Variants in ADAMTS20 observed in about 807,000 individuals in gnomAD.
The protein encoded by ADAMTS20 is A disintegrin and metalloproteinase with thrombospondin motifs 20.
ADAMTS20 carries 225 observed loss-of-function variants against 260.1 expected under a neutral mutation model. That is an observed-to-expected ratio of 0.87 (90% confidence interval 0.78 to 0.97). The LOEUF (loss-of-function observed/expected upper bound fraction) is 0.97, where lower values mean the gene tolerates loss of function less well. Ranked by LOEUF, ADAMTS20 falls within the 50% of genes least tolerant of loss-of-function variation. ADAMTS20 has a pLI of 0.00. For synonymous variants in ADAMTS20, 802 were observed against 769.5 expected (o/e 1.04, Z -0.70); for missense variants, 2,400 against 2,337.7 (o/e 1.03, Z -0.55).
intron 4 of ADAMTS20, among the ~76,000 whole-genome samples, chr12:43,501,307 G>A (rs1267489638): frequency 1.3e-5 from 2 of 151,686 alleles, no homozygotes; most frequent in Admixed American, 6.6e-5. Context: ...TGATCCTCCC[G>A]CCTCAGCCTC....
In ADAMTS20 at chr12:43,550,800, C is replaced by T. The variant is rs1282364298; in HGVS notation, c.453+109G>A. On this transcript the variant is annotated intron_variant, in intron 2 of 38. Coordinates refer to ENST00000389420, the MANE Select transcript of ADAMTS20 (RefSeq NM_025003.5). Reference sequence around the variant, plus strand: ...GTGTTAATCCTTCTTGTAGCCCAACCTGAACTCCAGGGTCATCAGCCACCA... The same window carrying T: ...GTGTTAATCCTTCTTGTAGCCCAACTTGAACTCCAGGGTCATCAGCCACCA... 6 of 1,414,424 alleles carry T rather than the reference C, an allele frequency of 4.2e-6. No individual in the cohort carries two copies. The East Asian group carries it at 1.5e-4, about 36-fold the overall frequency. The allele number at this position is 1,414,424 out of a possible 1,614,324, so 87.6% of individuals were successfully genotyped here. A position where few individuals can be genotyped will look rare whatever the true frequency, so the allele number is the denominator to read the frequency against.
At chr12:43,452,829 A>G in intron 12 of ADAMTS20, 134 bp from the exon 13 acceptor site, 1 of 785,990 alleles carries the variant, frequency 1.3e-6, no homozygotes, top group South Asian at 2.4e-5. Flanking sequence ...AGAAGTATGT[A>G]ACATGAGTTT....
chr12:43,482,799 T>C (rs537340289), intron 7 of ADAMTS20, among the ~76,000 whole-genome samples: 1 of 152,280 alleles, frequency 6.6e-6, no homozygotes, highest in African/African-American at 2.4e-5. Context: ...AAGCACAAAT[T>C]CCACTGCTAC....
Position 43,550,931 on chromosome 12 carries a change from A to G in ADAMTS20, c.431T>C (p.Val144Ala). The change falls in exon 2 of 39, where the codon GTC becomes GCC. Residue 144 changes from valine (V) to alanine (A), a missense_variant. Coordinates refer to ENST00000389420, the MANE Select transcript of ADAMTS20 (RefSeq NM_025003.5). ...QVNSQEDYKA[V>A]VSLCGGLTGT... is the part of the protein sequence containing the mutation. Reference sequence around the variant, plus strand: ...CACCAGGCCTCCGCATAAGCTGACGACGGCCTTGTAATCCTCCTGTGAGTT... The same window carrying G: ...CACCAGGCCTCCGCATAAGCTGACGGCGGCCTTGTAATCCTCCTGTGAGTT... 6.3e-7 allele frequency: 1 copy of G among 1,575,656 alleles called. No individual in the cohort carries two copies. Among genetic ancestry groups the G allele is most frequent in the Non-Finnish European group, 8.6e-7 (1 of 1,157,140 alleles).
chr12:43,533,327 G>A (rs1488092634), intron 2 of ADAMTS20, among the ~76,000 whole-genome samples: 1 of 151,728 alleles, frequency 6.6e-6, no homozygotes, highest in Non-Finnish European at 1.5e-5. Context: ...ATTTCTTCAT[G>A]TGTTTTTTAC....
At chr12:43,507,078 T>A (rs1942854716) in intron 3 of ADAMTS20, among the ~76,000 whole-genome samples, 1 of 152,126 alleles carries the variant, frequency 6.6e-6, no homozygotes, top group Admixed American at 6.6e-5. Context: ...TTAATGGAAA[T>A]TTGCTAAGAG....
chr12:43,448,925 A>C (rs1941811438), intron 14 of ADAMTS20, among the ~76,000 whole-genome samples: 1 of 152,182 alleles, frequency 6.6e-6, no homozygotes, highest in African/African-American at 2.4e-5. Flanking sequence ...GCAAATCAAA[A>C]CCAAAATAAG....
Position 43,428,722 on chromosome 12 carries a change from T to C in ADAMTS20, c.3567A>G (p.Glu1189=), listed in dbSNP as rs372006488. The change falls in exon 25 of 39, where the codon GAA becomes GAG. Residue 1189 remains glutamate, a synonymous_variant. Coordinates refer to ENST00000389420, the MANE Select transcript of ADAMTS20 (RefSeq NM_025003.5). ...CRDALDRIAD[E]SYCAHLPRPA... ...GTCGGGGTAAGTGGGCACAATATGA[T>C]TCATCTGCTATTCTATCAAGAGCAT... The C allele has an allele frequency of 9.3e-6, 15 of 1,612,778 alleles. No individual in the cohort carries two copies. Among genetic ancestry groups the C allele is most frequent in the Non-Finnish European group, 1.3e-5 (15 of 1,179,122 alleles).
At chr12:43,475,635 C>T (rs1411283935) in intron 7 of ADAMTS20, among the ~76,000 whole-genome samples, 16 of 151,852 alleles carry the variant, frequency 1.1e-4, no homozygotes, top group African/African-American at 3.6e-4. Flanking sequence ...GGTACTGGTA[C>T]CAAAACAGAG....
intron 18 of ADAMTS20, among the ~76,000 whole-genome samples, chr12:43,435,411 C>T (rs536503686): frequency 1.7e-4 from 26 of 152,026 alleles, no homozygotes; most frequent in Admixed American, 6.6e-4. Context: ...GAAGCTGAGG[C>T]GGGCGGATCA....
intron 2 of ADAMTS20, among the ~76,000 whole-genome samples, chr12:43,534,327 A>T (rs555451608): frequency 6.3e-4 from 96 of 152,238 alleles, no homozygotes; most frequent in African/African-American, 2.2e-3. Context: ...GGACATGAGC[A>T]GACACTTCTC....
At chr12:43,401,965 T>C (rs997532061) in intron 28 of ADAMTS20, among the ~76,000 whole-genome samples, 1 of 151,984 alleles carries the variant, frequency 6.6e-6, no homozygotes, top group African/African-American at 2.4e-5. Context: ...CATTATTTTC[T>C]TTACCTAGAC....
chr12:43,505,679 A>G (rs1331975550), intron 3 of ADAMTS20, among the ~76,000 whole-genome samples: 2 of 152,192 alleles, frequency 1.3e-5, no homozygotes, highest in Non-Finnish European at 2.9e-5. Flanking sequence ...GAAATTGGAA[A>G]CCTTATGCAC....
At chr12:43,445,677 TACACACAC>T (rs56762980) in intron 15 of ADAMTS20, among the ~76,000 whole-genome samples, 1 of 148,678 alleles carries the variant, frequency 6.7e-6, no homozygotes, top group African/African-American at 2.5e-5. Flanking sequence ...GACCCATCTC[TACACACAC>T]ACACACACAC....
At chr12:43,366,772 A>C (rs758141618) in intron 37 of ADAMTS20, among the ~76,000 whole-genome samples, 1 of 151,934 alleles carries the variant, frequency 6.6e-6, no homozygotes, top group Non-Finnish European at 1.5e-5. Context: ...AACATACCAA[A>C]TATTTTGGGA....
Position 43,428,652 on chromosome 12 carries a change from C to T in ADAMTS20, c.3637G>A (p.Ala1213Thr). Residue 1213 changes from alanine (A) to threonine (T), a missense_variant, in exon 25 of 39, where the codon GCA (alanine) becomes ACA (threonine). Ala to Thr is a moderately conservative substitution (Grantham distance 58, BLOSUM62 0). Transcript: ENST00000389420. The stretch of plus-strand genomic sequence containing the variant: ...ATACTTACGGGTGACCAATCCCCTG[C>T]TTGCCACTCTCCACAAGGGGTAAAA... ...DCFTPCGEWQAGDWSPCSASC... is the reference protein window; with the variant it reads ...DCFTPCGEWQTGDWSPCSASC... 6.3e-7 allele frequency: 1 copy of T among 1,593,808 alleles called. No homozygotes were observed. Among genetic ancestry groups the T allele is most frequent in the South Asian group, 1.2e-5 (1 of 86,756 alleles).
At chr12:43,370,317 T>C (rs185219352) in intron 36 of ADAMTS20, among the ~76,000 whole-genome samples, 31 of 152,310 alleles carry the variant, frequency 2.0e-4, no homozygotes, top group Admixed American at 1.8e-3. Flanking sequence ...CCAGGTACAA[T>C]GAGGTCATGT....
At position 43,506,693 on chromosome 12, in the gene ADAMTS20, T is replaced by C. The variant is rs551798104; in HGVS notation, c.614-4288A>G. On this transcript the variant is annotated intron_variant, in intron 3 of 38. Coordinates refer to ENST00000389420, the MANE Select transcript of ADAMTS20 (RefSeq NM_025003.5). Reference sequence around the variant, plus strand: ...TAGGATTTCACCATGTTGGTCAGGCTGGTCTCGATATCGTGACCTTGTGAT... The same window carrying C: ...TAGGATTTCACCATGTTGGTCAGGCCGGTCTCGATATCGTGACCTTGTGAT... Among the ~76,000 whole-genome samples, 3 of 152,064 alleles carry C rather than the reference T, an allele frequency of 2.0e-5. No homozygotes were observed. In the South Asian group the frequency reaches 6.2e-4, roughly 32 times the overall value.
intron 31 of ADAMTS20, among the ~76,000 whole-genome samples, chr12:43,381,479 C>T (rs554459436): frequency 1.3e-5 from 2 of 151,746 alleles, no homozygotes; most frequent in Admixed American, 6.6e-5. Flanking sequence ...TAATTTACAA[C>T]TCACCCAGTG....
Sources: gnomAD v4.1 joint callset for allele counts (sites outside exome capture counted in the v4.1 genomes callset) on GRCh38, gnomAD v4.1.1 for gene constraint, MANE v1.5 for transcripts, NCBI Gene and HGNC (gene_info 2026-07-23, HGNC 2026-07-21) for gene names.